DMD: variants seen among roughly 807,000 people sequenced by gnomAD.
DMD encodes the protein mutant dystrophin.
In DMD, 63 loss-of-function variants were observed where a neutral mutation model predicts 330.1. That is an observed-to-expected ratio of 0.19 (90% CI 0.16 to 0.24). The LOEUF is 0.24. Ranked by LOEUF, DMD falls within the 10% of genes least tolerant of loss-of-function variation. The pLI is 1.00. For missense variants in DMD, 3,344 were observed against 2,684.1 expected, an observed-to-expected ratio of 1.25 and a Z score of -5.43; for synonymous variants, 1,223 against 959.8, an observed-to-expected ratio of 1.27 and a Z score of -5.07.
intron 9 of DMD, among the ~76,000 whole-genome samples, chrX:32,667,088 T>TA (rs969425919): frequency 5.4e-5 from 6 of 111,317 alleles, no homozygotes; most frequent in Admixed American, 4.8e-4. Context: ...ATTCAGTCCT[T>TA]AAAAAAAGAA....
At chrX:31,795,086 A>G in intron 50 of DMD, among the ~76,000 whole-genome samples, 1 of 111,398 alleles carries the variant, frequency 9.0e-6, no homozygotes, top group Non-Finnish European at 1.9e-5. Flanking sequence ...AGATATCCCT[A>G]CACCCACTCT....
chrX:31,132,609 T>A (rs1016765677), intron 77 of DMD, among the ~76,000 whole-genome samples: 2 of 111,378 alleles, frequency 1.8e-5, no homozygotes, highest in Non-Finnish European at 3.8e-5. Context: ...TGTACTGTGA[T>A]TTGAATTTCT....
intron 59 of DMD, among the ~76,000 whole-genome samples, chrX:31,452,191 G>A (rs2065807603): frequency 2.9e-5 from 3 of 104,995 alleles, no homozygotes; most frequent in Non-Finnish European, 5.7e-5. Flanking sequence ...TTTAACTATG[G>A]TTTCTTCTCA....
At position 31,968,406 on chromosome X, in the gene DMD, C is replaced by G; in HGVS notation, c.6547G>C (p.Glu2183Gln). ...SSKTDASILQ[E>Q]KLGSLNLRWQ... ...CGCAGATTCAGGCTTCCCAATTTTT[C>G]CTGTAGAATACTGGCATCTGTTTTT... is the stretch of plus-strand genomic sequence containing the variant. The change falls in exon 45 of 79, where the codon GAA becomes CAA. Residue 2183 changes from glutamate to glutamine, a missense_variant. Glu to Gln is a conservative substitution (Grantham distance 29, BLOSUM62 2). Transcript: ENST00000357033. The G allele has an allele frequency of 8.3e-7, 1 of 1,210,775 alleles. No individual in the cohort carries two copies. The highest frequency in any genetic ancestry group is 1.1e-6 in the Non-Finnish European group (1 of 894,854).
In DMD at chrX:31,552,182, G is replaced by GT. The variant is rs2074528391; in HGVS notation, c.8218-44730dup. Among the ~76,000 whole-genome samples the GT allele has an allele frequency of 8.1e-5, 9 of 111,554 alleles. 1 individual carries two copies. In the South Asian group the frequency reaches 3.4e-3, roughly 43 times the overall value. On this transcript the variant is annotated intron_variant, in intron 55 of 78. Transcript: ENST00000357033. ...CCTCTTTTCAGAGCTGCTGCTTTTTGTTTTTCTGGAGACAGGGTCTCACCC... is the reference window on the plus strand; with the variant it reads ...CCTCTTTTCAGAGCTGCTGCTTTTTGTTTTTTCTGGAGACAGGGTCTCACCC...
At chrX:31,685,159 T>G (rs1356654395) in intron 52 of DMD, among the ~76,000 whole-genome samples, 1 of 112,109 alleles carries the variant, frequency 8.9e-6, no homozygotes, top group Non-Finnish European at 1.9e-5. Flanking sequence ...AAAAATGTTA[T>G]GGCATTTAGA....
At chrX:31,829,549 T>G (rs2092972862) in intron 49 of DMD, among the ~76,000 whole-genome samples, 1 of 111,513 alleles carries the variant, frequency 9.0e-6, no homozygotes, top group Non-Finnish European at 1.9e-5. Context: ...TATTAAATGA[T>G]TTTTATGTTT....
At chrX:31,730,856 T>C (rs1258823097) in intron 51 of DMD, among the ~76,000 whole-genome samples, 3 of 111,494 alleles carry the variant, frequency 2.7e-5, no homozygotes, top group Non-Finnish European at 5.7e-5. Flanking sequence ...CCAATGAAGA[T>C]GAAGAGATGA....
chrX:33,098,303 ATTG>A (rs2095197159), intron 1 of DMD, among the ~76,000 whole-genome samples: 1 of 112,069 alleles, frequency 8.9e-6, no homozygotes, highest in Non-Finnish European at 1.9e-5. Flanking sequence ...TGCCATTAAA[ATTG>A]TTGTTCTCTG....
chrX:31,380,019 T>C (rs2060083788), intron 60 of DMD, among the ~76,000 whole-genome samples: 1 of 111,369 alleles, frequency 9.0e-6, no homozygotes, highest in Non-Finnish European at 1.9e-5. Flanking sequence ...CCATCACAGA[T>C]GCCGATCTTC....
At chrX:32,103,049 T>C (rs1037059458) in intron 44 of DMD, among the ~76,000 whole-genome samples, 10 of 111,915 alleles carry the variant, frequency 8.9e-5, no homozygotes, top group African/African-American at 3.2e-4. Flanking sequence ...CTTTTGAACT[T>C]GGTAGCACTC....
At chrX:31,667,053 T>G (rs1221769780) in intron 53 of DMD, among the ~76,000 whole-genome samples, 1 of 112,105 alleles carries the variant, frequency 8.9e-6, no homozygotes, top group Non-Finnish European at 1.9e-5. Flanking sequence ...CAACCATTAT[T>G]ATGATCTAAT....
intron 74 of DMD, among the ~76,000 whole-genome samples, chrX:31,158,760 C>T (rs1452279216): frequency 8.9e-6 from 1 of 111,985 alleles, no homozygotes; most frequent in African/African-American, 3.2e-5. Flanking sequence ...TCTTATAATG[C>T]TTTCTCCTAC....
chrX:32,684,452 C>A (rs1459059290), intron 9 of DMD, among the ~76,000 whole-genome samples: 2 of 110,924 alleles, frequency 1.8e-5, no homozygotes, highest in East Asian at 2.9e-4. Context: ...TAAACTTTCC[C>A]TCTTTGAAAA....
intron 18 of DMD, among the ~76,000 whole-genome samples, chrX:32,514,099 T>C (rs1376958558): frequency 2.7e-5 from 3 of 110,792 alleles, no homozygotes; most frequent in African/African-American, 6.6e-5. Flanking sequence ...ACCTGGGATG[T>C]AGATTTTTGA....
chrX:32,332,109 C>T (rs765622776), intron 41 of DMD, among the ~76,000 whole-genome samples: 5 of 111,403 alleles, frequency 4.5e-5, no homozygotes, highest in Non-Finnish European at 7.5e-5. Flanking sequence ...ATTCTTAACA[C>T]GCACAAGAAA....
chrX:31,664,705 C>T (rs1224912398), intron 53 of DMD, among the ~76,000 whole-genome samples: 2 of 97,253 alleles, frequency 2.1e-5, no homozygotes, highest in Non-Finnish European at 4.0e-5. Flanking sequence ...AAATCTTCTA[C>T]TTCCATTGAC....
intron 1 of DMD, among the ~76,000 whole-genome samples, chrX:33,333,336 C>T (rs972400770): frequency 1.8e-5 from 2 of 111,393 alleles, no homozygotes; most frequent in East Asian, 2.8e-4. Flanking sequence ...AGCTCCCCCA[C>T]GACAACTTTT....
chrX:32,989,716 C>A (rs777951644), intron 2 of DMD, among the ~76,000 whole-genome samples: 89 of 111,005 alleles, frequency 8.0e-4, no homozygotes, highest in Non-Finnish European at 1.4e-3. Context: ...GGTATTAGTT[C>A]TGGGAGGCCA....
Sources: gnomAD v4.1 joint callset for allele counts (sites outside exome capture counted in the v4.1 genomes callset) on GRCh38, gnomAD v4.1.1 for gene constraint, MANE v1.5 for transcripts, NCBI Gene and HGNC (gene_info 2026-07-23, HGNC 2026-07-21) for gene names.